The following TNIK variants were observed in gnomAD, a reference collection of about 807,000 sequenced individuals.
TNIK encodes the protein TRAF2 and NCK interacting kinase.
Under a neutral mutation model 191.3 loss-of-function variants are expected in TNIK, and 49 were observed. The ratio of observed to expected loss-of-function variants is 0.26; its 90% CI spans 0.20 to 0.32. The LOEUF (loss-of-function observed/expected upper bound fraction) is 0.32. Among genes scored for constraint, TNIK ranks in the 10% least tolerant of loss-of-function variants. TNIK has a pLI of 1.00. For missense variants in TNIK, 1,155 were observed against 1,702.3 expected, an observed-to-expected ratio of 0.68 and a Z score of 5.66; for synonymous variants, 594 against 600.9, an observed-to-expected ratio of 0.99 and a Z score of 0.17.
chr3:171,067,190 C>T (rs1052096686), intron 30 of TNIK, among the ~76,000 whole-genome samples: 6 of 151,804 alleles, frequency 4.0e-5, no homozygotes, highest in Admixed American at 2.0e-4. Flanking sequence ...CAACCACTTC[C>T]AAAAGAAGAT....
At chr3:171,395,761 G>A (rs771078878) in intron 1 of TNIK, among the ~76,000 whole-genome samples, 4 of 152,016 alleles carry the variant, frequency 2.6e-5, no homozygotes, top group East Asian at 3.8e-4. Flanking sequence ...TAAATTGAAC[G>A]GAGTGAACAT....
intron 23 of TNIK, among the ~76,000 whole-genome samples, chr3:171,088,934 A>G (rs1340928354): frequency 1.3e-5 from 2 of 152,212 alleles, no homozygotes; most frequent in Non-Finnish European, 2.9e-5. Flanking sequence ...GGCATGTGCA[A>G]GGTTTCATGC....
intron 7 of TNIK, among the ~76,000 whole-genome samples, chr3:171,180,696 A>G (rs893841281): frequency 1.2e-4 from 19 of 152,228 alleles, no homozygotes; most frequent in African/African-American, 4.6e-4. Flanking sequence ...GACTTACCCA[A>G]GATCAAAGAG....
chr3:171,133,429 A>G (rs951648099), intron 15 of TNIK, among the ~76,000 whole-genome samples: 3 of 152,256 alleles, frequency 2.0e-5, no homozygotes, highest in Non-Finnish European at 2.9e-5. Context: ...ACAGTCTTGG[A>G]AACAAAATAG....
intron 1 of TNIK, among the ~76,000 whole-genome samples, chr3:171,427,473 T>C (rs567991788): frequency 6.6e-6 from 1 of 152,200 alleles, no homozygotes; most frequent in East Asian, 1.9e-4. Flanking sequence ...ATGTGCCCAA[T>C]GCTCAGTTTC....
chr3:171,132,185 C>A (rs1252158050), intron 15 of TNIK, among the ~76,000 whole-genome samples: 5 of 152,028 alleles, frequency 3.3e-5, no homozygotes, highest in African/African-American at 9.7e-5. Context: ...AGGTGCTAGA[C>A]CATAACAACA....
intron 19 of TNIK, among the ~76,000 whole-genome samples, chr3:171,109,801 T>C (rs79652914): frequency 6.6e-6 from 1 of 152,310 alleles, no homozygotes; most frequent in East Asian, 1.9e-4. Context: ...ATAATAATGT[T>C]TTTCATAGGC....
At chr3:171,131,365 A>G (rs1042993686) in intron 15 of TNIK, among the ~76,000 whole-genome samples, 4 of 147,560 alleles carry the variant, frequency 2.7e-5, no homozygotes, top group Admixed American at 6.7e-5. Context: ...AAAAAAAAAA[A>G]AAAAAAAAAG....
At chr3:171,451,908 G>A (rs1728218379) in intron 1 of TNIK, among the ~76,000 whole-genome samples, 1 of 152,154 alleles carries the variant, frequency 6.6e-6, no homozygotes. Context: ...AGAATACTGG[G>A]CCTGAATTTA....
At chr3:171,241,521 CTAAAGAA>C (rs1744991142) in intron 2 of TNIK, among the ~76,000 whole-genome samples, 2 of 152,088 alleles carry the variant, frequency 1.3e-5, no homozygotes, top group African/African-American at 4.8e-5. Context: ...TAAATTCTCT[CTAAAGAA>C]TAAAGAACAG....
At chr3:171,426,725 T>C (rs1483820268) in intron 1 of TNIK, among the ~76,000 whole-genome samples, 2 of 152,094 alleles carry the variant, frequency 1.3e-5, no homozygotes, top group Non-Finnish European at 2.9e-5. Flanking sequence ...TTTAGCCCCT[T>C]CTCACCACAC....
At chr3:171,129,513 C>T (rs980284650) in intron 15 of TNIK, among the ~76,000 whole-genome samples, 1 of 152,126 alleles carries the variant, frequency 6.6e-6, no homozygotes, top group Non-Finnish European at 1.5e-5. Flanking sequence ...AATACACTGC[C>T]CCATCTCATT....
chr3:171,451,287 C>A lies in TNIK; in HGVS notation c.57+8720G>T, dbSNP rs78948038. Among the ~76,000 whole-genome samples, 13 of 152,328 alleles carry A rather than the reference C, an allele frequency of 8.5e-5. No homozygotes were observed. The East Asian group carries it at 1.9e-3, about 23-fold the overall frequency. ...GATGCTCAAGCAACCAATGGAGCCA[C>A]CTACGTGGGGAGGAACTGAGGCCTC... is the stretch of plus-strand genomic sequence containing the variant. On this transcript the variant is annotated intron_variant, in intron 1 of 32. Coordinates refer to ENST00000436636, the MANE Select transcript of TNIK (RefSeq NM_015028.4).
chr3:171,130,188 C>T (rs1576909138), intron 15 of TNIK, among the ~76,000 whole-genome samples: 1 of 152,200 alleles, frequency 6.6e-6, no homozygotes, highest in African/African-American at 2.4e-5. Context: ...CCCCCATCCT[C>T]CCTATCCCAT....
At chr3:171,326,140 G>GA (rs1003626121) in intron 2 of TNIK, among the ~76,000 whole-genome samples, 22 of 152,128 alleles carry the variant, frequency 1.4e-4, no homozygotes, top group African/African-American at 5.3e-4. Context: ...ACCCCACCCA[G>GA]AACCTTGAAT....
Position 171,124,646 on chromosome 3 carries a change from CAGTAA to C in TNIK, c.2014-949_2014-945del, listed in dbSNP as rs561181630. Among the ~76,000 whole-genome samples, 232 of 152,244 alleles carry C rather than the reference CAGTAA, an allele frequency of 1.5e-3. 2 individuals are homozygous for C. Among genetic ancestry groups the C allele is most frequent in the African/African-American group, 3.9e-3 (164 of 41,556 alleles). ...TATTCATTTTAACATAAAGATGAGTCAGTAAAGTAAAGCAGAATGACCAAATCAAT... is the reference window on the plus strand; with the variant it reads ...TATTCATTTTAACATAAAGATGAGTCAGTAAAGCAGAATGACCAAATCAAT... On this transcript the variant is annotated intron_variant, in intron 17 of 32. Transcript: ENST00000436636.
At chr3:171,152,985 A>G (rs1195605451) in intron 12 of TNIK, among the ~76,000 whole-genome samples, 4 of 151,816 alleles carry the variant, frequency 2.6e-5, no homozygotes, top group African/African-American at 9.7e-5. Flanking sequence ...GTTATCCAGG[A>G]TGGTCTTGAT....
intron 2 of TNIK, among the ~76,000 whole-genome samples, chr3:171,291,163 C>T (rs1751639694): frequency 6.6e-6 from 1 of 152,140 alleles, no homozygotes; most frequent in Non-Finnish European, 1.5e-5. Context: ...CCTCCCACCG[C>T]CATAGTACTG....
chr3:171,292,534 T>C (rs1209042145), intron 2 of TNIK, among the ~76,000 whole-genome samples: 1 of 152,130 alleles, frequency 6.6e-6, no homozygotes, highest in East Asian at 1.9e-4. Context: ...CCCAGCACTT[T>C]GGGAGGCCCA....
Sources: allele counts gnomAD v4.1 joint callset (sites outside exome capture counted in the v4.1 genomes callset), GRCh38; gene constraint gnomAD v4.1.1; transcripts MANE v1.5; gene names NCBI Gene and HGNC (gene_info 2026-07-23, HGNC 2026-07-21).